RADIL: variants seen among roughly 807,000 people sequenced by gnomAD.
The protein encoded by RADIL is Rap associating with DIL domain, also known as ras-associating and dilute domain-containing protein.
Under a neutral mutation model 97.6 loss-of-function variants are expected in RADIL, and 99 were observed. The ratio of observed to expected loss-of-function variants is 1.01; its 90% CI spans 0.86 to 1.20. The LOEUF (loss-of-function observed/expected upper bound fraction) is 1.20, where lower values mean the gene tolerates loss of function less well. Ranked by LOEUF, RADIL falls within the 50% of genes most tolerant of loss-of-function variation. RADIL has a pLI of 0.00. For synonymous variants in RADIL, 803 were observed against 691.8 expected (o/e 1.16, Z -2.52); for missense variants, 1,765 against 1,498.9 (o/e 1.18, Z -2.93).
chr7:4,808,230 T>C (rs1211915169), intron 9 of RADIL, among the ~76,000 whole-genome samples: 3 of 144,438 alleles, frequency 2.1e-5, no homozygotes, highest in African/African-American at 7.7e-5. Context: ...CCGCCCCCTC[T>C]CTCTCCCCGC....
rs76212600 is a variant in RADIL, at chr7:4,859,734, C to T, written c.535+17871G>A. 1.9e-3 allele frequency: 1,140 copies of T among 595,952 alleles called. 5 individuals are homozygous for T. The highest frequency in any genetic ancestry group is 2.7e-3 in the Non-Finnish European group (896 of 336,998). 36.9% of individuals were successfully genotyped at this position (595,952 alleles called of 1,614,324 possible). ...GGATTTGCAGGGAGAACAGGGATAC[C>T]GGAAAGATCTATACTGATGTTCCCT... is the stretch of plus-strand genomic sequence containing the variant. On this transcript the variant is annotated intron_variant, in intron 2 of 14. Transcript: ENST00000399583.
At position 4,842,755 on chromosome 7, in the gene RADIL, C is replaced by A. The variant is rs1019859200; in HGVS notation, c.536-6150G>T. Among the ~76,000 whole-genome samples the A allele has an allele frequency of 1.3e-5, 2 of 152,150 alleles. No individual in the cohort carries two copies. Among genetic ancestry groups the A allele is most frequent in the Non-Finnish European group, 2.9e-5 (2 of 68,040 alleles). ...CGTTTCTGTCACCCATCCCCACTCG[C>A]AGGCCTCAGAGATGAAGTGACTAGG... On this transcript the variant is annotated intron_variant, in intron 2 of 14. Coordinates refer to ENST00000399583, the MANE Select transcript of RADIL (RefSeq NM_018059.5). The surrounding 1 kb of genome is among the most constrained non-coding windows in gnomAD (Gnocchi z 4.5).
intron 5 of RADIL, among the ~76,000 whole-genome samples, chr7:4,825,908 A>AAAAAAT (rs760101468): frequency 6.9e-6 from 1 of 144,974 alleles, no homozygotes. Flanking sequence ...AAAAAAAAAA[A>AAAAAAT]GGGAAATGAA....
At chr7:4,853,094 G>T (rs547662298) in intron 2 of RADIL, among the ~76,000 whole-genome samples, 1 of 152,144 alleles carries the variant, frequency 6.6e-6, no homozygotes, top group African/African-American at 2.4e-5. Context: ...CCTTGAGATG[G>T]GGTGAGTGTA....
At chr7:4,805,829 C>T (rs950499884) in intron 9 of RADIL, 113 bp from the exon 10 acceptor site, 42 of 1,450,154 alleles carry the variant, frequency 2.9e-5, no homozygotes, top group Non-Finnish European at 3.0e-5. Flanking sequence ...GCCCTGTGGT[C>T]CTCACTCCCA....
At chr7:4,836,674 AC>A (rs1183442922) in intron 2 of RADIL, 69 bp from the exon 3 acceptor site, 1 of 1,584,256 alleles carries the variant, frequency 6.3e-7, no homozygotes, top group African/African-American at 1.3e-5. Flanking sequence ...GCGGTGGCTC[AC>A]CCCTGTAATC....
At chr7:4,866,216 G>A (rs1784128022) in intron 2 of RADIL, among the ~76,000 whole-genome samples, 1 of 152,160 alleles carries the variant, frequency 6.6e-6, no homozygotes, top group Admixed American at 6.5e-5. Flanking sequence ...TGTGATCATA[G>A]CTCACTGCAG....
chr7:4,830,978 G>A (rs377421693), intron 5 of RADIL, among the ~76,000 whole-genome samples: 6 of 151,012 alleles, frequency 4.0e-5, no homozygotes, highest in African/African-American at 1.2e-4. Flanking sequence ...CCGACACTGC[G>A]CCATAGCACT....
chr7:4,801,457 G>C (rs533997801), intron 12 of RADIL, among the ~76,000 whole-genome samples, 196 bp downstream of exon 12: 1 of 152,374 alleles, frequency 6.6e-6, no homozygotes, highest in South Asian at 2.1e-4. Context: ...CAGCGACTGA[G>C]CGACCGTGTG....
chr7:4,825,884 A>G (rs369438717), intron 5 of RADIL, among the ~76,000 whole-genome samples: 11 of 89,250 alleles, frequency 1.2e-4, no homozygotes, highest in African/African-American at 5.9e-4. Context: ...TCCGTCTCAG[A>G]AAAAAAAAAA....
chr7:4,801,817 C>T lies in RADIL; in HGVS notation c.2678G>A (p.Gly893Asp). 6.2e-7 allele frequency: 1 copy of T among 1,607,520 alleles called. No homozygotes were observed. The highest frequency in any genetic ancestry group is 1.3e-5 in the African/African-American group (1 of 74,946). Residue 893 changes from glycine (G) to aspartate (D), a missense_variant, in exon 12 of 15, where the codon GGC (glycine) becomes GAC (aspartate). Gly to Asp is a moderately conservative substitution (Grantham distance 94, BLOSUM62 -1). Coordinates refer to ENST00000399583, the MANE Select transcript of RADIL (RefSeq NM_018059.5). Reference protein sequence around the residue: ...RQPSRGGSQAGPPHTDSSCLL... With the variant: ...RQPSRGGSQADPPHTDSSCLL... ...GCAGGACGAGTCCGTGTGCGGGGGG[C>T]CAGCCTGGGAGCCCCCACGGCTGGG...
intron 2 of RADIL, among the ~76,000 whole-genome samples, chr7:4,845,609 C>T (rs1783547701): frequency 6.6e-6 from 1 of 152,160 alleles, no homozygotes; most frequent in Non-Finnish European, 1.5e-5. Context: ...TCTATACTTT[C>T]ACTTACTTTC....
intron 3 of RADIL, 44 bp downstream of exon 3, chr7:4,836,314 C>T: frequency 6.4e-7 from 1 of 1,555,132 alleles, no homozygotes; most frequent in Middle Eastern, 1.8e-4. Flanking sequence ...GCCTGCTGTC[C>T]CTGCAGTGGC....
rs1199957002 is a variant in RADIL at position 4,818,744 on chromosome 7, G to C, written c.1616-1393C>G. 6.6e-6 allele frequency among the ~76,000 whole-genome samples: 1 copy of C among 152,170 alleles called. No individual in the cohort carries two copies. The highest frequency in any genetic ancestry group is 1.5e-5 in the Non-Finnish European group (1 of 68,034). On this transcript the variant is annotated intron_variant, in intron 6 of 14. Coordinates refer to ENST00000399583, the MANE Select transcript of RADIL (RefSeq NM_018059.5). The surrounding 1 kb of genome is among the most constrained non-coding windows in gnomAD (Gnocchi z 7.1). The stretch of plus-strand genomic sequence containing the variant: ...TGGTGCCCTGACCCTGGCTGCCTCA[G>C]GCTGCCAGGTCTGAGAACCCAGCCC...
In RADIL at chr7:4,809,841, C is replaced by T. The variant is rs114611946; in HGVS notation, c.2140-4125G>A. ...GGCTAATTTTTGTATTTTTACACCA[C>T]GCCTGGCTAATTTTTGTATTTTTTT... On this transcript the variant is annotated intron_variant, in intron 9 of 14. Transcript: ENST00000399583. Among the ~76,000 whole-genome samples the T allele has an allele frequency of 9.9e-3, 1,498 of 151,520 alleles. 27 individuals carry two copies. The highest frequency in any genetic ancestry group is 0.035 in the African/African-American group (1,434 of 41,294).
intron 4 of RADIL, among the ~76,000 whole-genome samples, chr7:4,832,604 T>C (rs1269760391): frequency 6.6e-6 from 1 of 151,996 alleles, no homozygotes; most frequent in Non-Finnish European, 1.5e-5. Flanking sequence ...CCGGGTGTGG[T>C]GGCGCATGCC....
Position 4,799,398 on chromosome 7 carries a change from A to G in RADIL, c.3208T>C (p.Phe1070Leu), listed in dbSNP as rs1781998997. ...CCCCCCTAGAGAGGGGGCGTGCGGAAATGGATCTTCTTGGCTGTTTCCACG... is the reference window on the plus strand; with the variant it reads ...CCCCCCTAGAGAGGGGGCGTGCGGAGATGGATCTTCTTGGCTGTTTCCACG... The part of the protein sequence containing the change: ...SDVETAKKIH[F>L]RTPPL The change falls in exon 15 of 15, where the codon TTC becomes CTC. Residue 1070 changes from phenylalanine (F) to leucine (L), a missense_variant. Physicochemically the swap from Phe to Leu is conservative, Grantham distance 22 (BLOSUM62 0). Coordinates refer to ENST00000399583, the MANE Select transcript of RADIL (RefSeq NM_018059.5). The G allele has an allele frequency of 6.2e-7, 1 of 1,613,570 alleles. No individual in the cohort carries two copies. Among genetic ancestry groups the G allele is most frequent in the African/African-American group, 1.3e-5 (1 of 74,892 alleles).
intron 2 of RADIL, chr7:4,860,482 C>A (rs1397554279): frequency 6.2e-7 from 1 of 1,614,068 alleles, no homozygotes; most frequent in Non-Finnish European, 8.5e-7. Flanking sequence ...GCTTTTTTAG[C>A]CCTAACCCAA....
At chr7:4,806,613 C>A (rs949642890) in intron 9 of RADIL, among the ~76,000 whole-genome samples, 1 of 152,346 alleles carries the variant, frequency 6.6e-6, no homozygotes, top group East Asian at 1.9e-4. Flanking sequence ...TTCCTTTCCC[C>A]GGCTCCCAGC....
Sources: allele counts gnomAD v4.1 joint callset (sites outside exome capture counted in the v4.1 genomes callset), GRCh38; gene constraint gnomAD v4.1.1; non-coding constraint Gnocchi (gnomAD v3.1); transcripts MANE v1.5; gene names NCBI Gene and HGNC (gene_info 2026-07-23, HGNC 2026-07-21).